The following SYNE1 variants were observed in gnomAD, a reference collection of about 807,000 sequenced individuals.
The protein encoded by SYNE1 is spectrin repeat containing nuclear envelope protein 1, also known as nesprin-1.
A neutral mutation model predicts 1,111.0 loss-of-function variants in SYNE1; 616 were observed. That is an observed-to-expected ratio of 0.55 (90% confidence interval 0.52 to 0.59). The LOEUF (loss-of-function observed/expected upper bound fraction) is 0.59. Among genes scored for constraint, SYNE1 ranks in the 20% least tolerant of loss-of-function variants. The probability of loss-of-function intolerance (pLI) is 0.00; values close to 1 mark genes in which losing one functional copy is unlikely to be tolerated. For missense variants in SYNE1, 10,006 were observed against 10,417.0 expected, an observed-to-expected ratio of 0.96 and a Z score of 1.72; for synonymous variants, 3,855 against 3,825.8, an observed-to-expected ratio of 1.01 and a Z score of -0.28.
intron 56 of SYNE1, among the ~76,000 whole-genome samples, chr6:152,377,620 AAAAAAAAAAAAAAAAAAAAAAT>A (rs1289604791): frequency 8.4e-5 from 8 of 95,666 alleles, no homozygotes; most frequent in African/African-American, 3.4e-4. Context: ...AAAAAAAAAA[AAAAAAAAAAAAAAAAAAAAAAT>A]ATATATATAT....
At chr6:152,604,758 A>G (rs886367933) in intron 3 of SYNE1, among the ~76,000 whole-genome samples, 1 of 151,410 alleles carries the variant, frequency 6.6e-6, no homozygotes, top group East Asian at 2.0e-4. Flanking sequence ...TGGGAAACAT[A>G]GTGAGGCCCC....
At chr6:152,462,980 A>G in intron 19 of SYNE1, 90 bp from the exon 20 acceptor site, 1 of 1,466,318 alleles carries the variant, frequency 6.8e-7, no homozygotes. Flanking sequence ...ATTCGCTGGA[A>G]TTGTTATCCG....
At chr6:152,414,873 T>A (rs1050919140) in intron 41 of SYNE1, among the ~76,000 whole-genome samples, 30 of 152,190 alleles carry the variant, frequency 2.0e-4, no homozygotes, top group Non-Finnish European at 4.1e-4. Context: ...GGCTATTTTT[T>A]CTTCCCAAGT....
chr6:152,547,644 A>C (rs189600821), intron 3 of SYNE1, among the ~76,000 whole-genome samples: 4 of 152,332 alleles, frequency 2.6e-5, no homozygotes, highest in Admixed American at 2.6e-4. Flanking sequence ...TCTTTCCAAA[A>C]AAAAGATTTG....
chr6:152,416,465 A>G lies in SYNE1; in HGVS notation c.5972T>C (p.Leu1991Pro). 6.2e-7 allele frequency: 1 copy of G among 1,614,140 alleles called. No homozygotes were observed. Among genetic ancestry groups the G allele is most frequent in the Non-Finnish European group, 8.5e-7 (1 of 1,180,024 alleles). ...KAFQDQKEEL[L>P]KSIEDIEERT... ...TTCTTCAATGTCCTCAATGCTTTTC[A>G]GAAGCTCCTCTTTCTGGTCTTGGAA... Residue 1991 changes from leucine to proline, a missense_variant, in exon 41 of 146, where the codon CTG (leucine) becomes CCG (proline). Physicochemically the swap from Leu to Pro is moderately conservative, Grantham distance 98. Coordinates refer to ENST00000367255, the MANE Select transcript of SYNE1 (RefSeq NM_182961.4).
chr6:152,468,847 C>T (rs2098787544), intron 16 of SYNE1, among the ~76,000 whole-genome samples: 1 of 152,158 alleles, frequency 6.6e-6, no homozygotes, highest in Non-Finnish European at 1.5e-5. Flanking sequence ...AAGATCATAG[C>T]TCACTGCAGC....
intron 98 of SYNE1, among the ~76,000 whole-genome samples, chr6:152,276,911 G>A (rs988067027): frequency 1.0e-4 from 14 of 138,438 alleles, no homozygotes; most frequent in African/African-American, 2.8e-4. Context: ...TTGAGACGGC[G>A]TCTCCCTCTG....
At chr6:152,210,794 T>C (rs2077385601) in intron 124 of SYNE1, among the ~76,000 whole-genome samples, 2 of 152,176 alleles carry the variant, frequency 1.3e-5, no homozygotes, top group Admixed American at 1.3e-4. Context: ...GAAATTGTCA[T>C]TTCTCATACC....
At chr6:152,271,482 C>T (rs113098650) in intron 98 of SYNE1, among the ~76,000 whole-genome samples, 3 of 152,148 alleles carry the variant, frequency 2.0e-5, no homozygotes, top group African/African-American at 7.2e-5. Flanking sequence ...ATGCTAGTTG[C>T]ATTTTGCAAG....
At chr6:152,558,793 A>T (rs762955484) in intron 3 of SYNE1, among the ~76,000 whole-genome samples, 3 of 152,110 alleles carry the variant, frequency 2.0e-5, no homozygotes, top group Non-Finnish European at 4.4e-5. Flanking sequence ...CCTGACAGAA[A>T]CTCAACAAGG....
At chr6:152,155,214 G>A in intron 132 of SYNE1, 172 bp from the exon 133 acceptor site, 1 of 662,352 alleles carries the variant, frequency 1.5e-6, no homozygotes, top group South Asian at 1.9e-5. Flanking sequence ...ACAACTGCTT[G>A]AGCTAAAATA....
chr6:152,482,730 G>A (rs1417746502), intron 14 of SYNE1, among the ~76,000 whole-genome samples: 2 of 152,090 alleles, frequency 1.3e-5, no homozygotes, highest in East Asian at 3.9e-4. Flanking sequence ...TTTGAGAATG[G>A]AGGCAGAAAT....
intron 94 of SYNE1, 40 bp downstream of exon 94, chr6:152,293,920 G>T: frequency 6.2e-7 from 1 of 1,613,296 alleles, no homozygotes; most frequent in Non-Finnish European, 8.5e-7. Flanking sequence ...AAGGTTACTG[G>T]TGTCTGGTGG....
At chr6:152,274,190 A>C (rs1034636612) in intron 98 of SYNE1, among the ~76,000 whole-genome samples, 2 of 152,176 alleles carry the variant, frequency 1.3e-5, no homozygotes, top group African/African-American at 4.8e-5. Flanking sequence ...AGTATGTGTA[A>C]CCTTTTCTTT....
Position 152,326,043 on chromosome 6 carries a change from T to C in SYNE1, c.15353A>G (p.Asn5118Ser), listed in dbSNP as rs999243580. The change falls in exon 80 of 146, where the codon AAT becomes AGT. Residue 5118 changes from asparagine to serine, a missense_variant. By Grantham distance (46) the Asn-to-Ser change is conservative. Around this residue, in one of 7 missense-constraint regions of SYNE1, gnomAD observed 4,955 missense variants for 5,017.2 expected, o/e 0.99. Transcript: ENST00000367255. Reference protein sequence around the residue: ...KAREEVIELMNDTEKKLSEFS... With the variant: ...KAREEVIELMSDTEKKLSEFS... ...CTCAGACAATTTCTTTTCTGTATCATTCATCAATTCAATAACCTCTTCCCT... is the reference window on the plus strand; with the variant it reads ...CTCAGACAATTTCTTTTCTGTATCACTCATCAATTCAATAACCTCTTCCCT... 6.2e-7 allele frequency: 1 copy of C among 1,614,208 alleles called. No homozygotes were observed. Among genetic ancestry groups the C allele is most frequent in the Non-Finnish European group, 8.5e-7 (1 of 1,180,034 alleles).
At chr6:152,311,001 C>T in intron 87 of SYNE1, 128 bp from the exon 88 acceptor site, 1 of 915,558 alleles carries the variant, frequency 1.1e-6, no homozygotes, top group East Asian at 2.6e-5. Flanking sequence ...CCTTCACCCC[C>T]CATGACCACT....
chr6:152,527,348 A>G (rs898191887), intron 4 of SYNE1, among the ~76,000 whole-genome samples: 1 of 152,216 alleles, frequency 6.6e-6, no homozygotes, highest in African/African-American at 2.4e-5. Context: ...ATAGCTGAAT[A>G]CATTTTGTTC....
At chr6:152,177,084 G>A (rs922818032) in intron 129 of SYNE1, among the ~76,000 whole-genome samples, 3 of 152,154 alleles carry the variant, frequency 2.0e-5, no homozygotes, top group African/African-American at 7.2e-5. Flanking sequence ...ATTTTAAAGA[G>A]ATAATCCTCT....
At chr6:152,224,957 G>GTATATATATATACATATA (rs1220700858) in intron 116 of SYNE1, among the ~76,000 whole-genome samples, 1 of 143,090 alleles carries the variant, frequency 7.0e-6, no homozygotes, top group Non-Finnish European at 1.5e-5. Flanking sequence ...ACATATATAT[G>GTATATATATATACATATA]TGTATATATA....
Sources: gnomAD v4.1 joint callset for allele counts (sites outside exome capture counted in the v4.1 genomes callset) on GRCh38, gnomAD v4.1.1 for gene constraint, gnomAD v4.1.1 regional missense constraint, MANE v1.5 for transcripts, NCBI Gene and HGNC (gene_info 2026-07-23, HGNC 2026-07-21) for gene names.